ZFPM2: variants seen among roughly 807,000 people sequenced by gnomAD.
ZFPM2 encodes the protein zinc finger protein, FOG family member 2, also known as zinc finger protein ZFPM2.
In ZFPM2, 20 loss-of-function variants were observed where a neutral mutation model predicts 98.6. The observed-to-expected ratio is 0.20, with a 90% CI of 0.14 to 0.29. ZFPM2 has a LOEUF of 0.29. Among genes scored for constraint, ZFPM2 ranks in the 10% least tolerant of loss-of-function variants. The pLI is 1.00. For missense variants in ZFPM2, 1,310 were observed against 1,388.6 expected (o/e 0.94, Z 0.90); for synonymous variants, 518 against 502.7 (o/e 1.03, Z -0.41).
At chr8:105,423,991 A>G (rs973646149) in intron 2 of ZFPM2, among the ~76,000 whole-genome samples, 48 of 152,172 alleles carry the variant, frequency 3.2e-4, no homozygotes, top group Non-Finnish European at 8.8e-5. Flanking sequence ...TGCTATATAA[A>G]AAAAGATAAC....
At chr8:105,646,784 C>A (rs1393763992) in intron 5 of ZFPM2, among the ~76,000 whole-genome samples, 1 of 152,018 alleles carries the variant, frequency 6.6e-6, no homozygotes. Flanking sequence ...AGAGTGGGAC[C>A]TGGTGGTGCG....
At chr8:105,362,366 C>T (rs1167592029) in intron 1 of ZFPM2, among the ~76,000 whole-genome samples, 8 of 151,762 alleles carry the variant, frequency 5.3e-5, no homozygotes, top group Non-Finnish European at 7.4e-5. Flanking sequence ...CTACTAAGTT[C>T]GTATTTTACA....
chr8:105,604,181 C>G (rs575290986), intron 4 of ZFPM2, among the ~76,000 whole-genome samples: 7 of 151,982 alleles, frequency 4.6e-5, no homozygotes, highest in Non-Finnish European at 8.8e-5. Context: ...ATGTCATCAT[C>G]ATTCATCCAG....
intron 1 of ZFPM2, chr8:105,387,427 T>TG (rs529363318): frequency 7.2e-4 from 111 of 154,104 alleles, no homozygotes; most frequent in Admixed American, 1.9e-3. Context: ...GCCCACAGCG[T>TG]GGGGGAGGCT....
At chr8:105,441,590 T>C (rs2130197234) in intron 2 of ZFPM2, among the ~76,000 whole-genome samples, 1 of 151,826 alleles carries the variant, frequency 6.6e-6, no homozygotes, top group East Asian at 1.9e-4. Flanking sequence ...AGAGAGCGGA[T>C]TGGGGCCAGC....
intron 5 of ZFPM2, among the ~76,000 whole-genome samples, chr8:105,697,523 A>G (rs1418412333): frequency 1.3e-5 from 2 of 152,180 alleles, no homozygotes; most frequent in African/African-American, 4.8e-5. Context: ...AAGTGTAGTA[A>G]TTTAGCCAGG....
At chr8:105,454,527 C>T (rs1258815094) in intron 3 of ZFPM2, among the ~76,000 whole-genome samples, 2 of 152,184 alleles carry the variant, frequency 1.3e-5, no homozygotes, top group Non-Finnish European at 2.9e-5. Flanking sequence ...CTTACACTTG[C>T]AGTGATAGTA....
At chr8:105,615,945 T>C (rs17290627) in intron 4 of ZFPM2, among the ~76,000 whole-genome samples, 30,818 of 152,058 alleles carry the variant, frequency 0.2, 3,167 homozygotes, top group South Asian at 0.26. Flanking sequence ...GGGATTTTGC[T>C]TTGTTTTTGG....
At chr8:105,457,072 G>T (rs561431315) in intron 3 of ZFPM2, among the ~76,000 whole-genome samples, 1 of 152,202 alleles carries the variant, frequency 6.6e-6, no homozygotes, top group African/African-American at 2.4e-5. Flanking sequence ...TATTACATTT[G>T]CTAACAATAA....
chr8:105,770,847 A>G (rs1388725675), intron 5 of ZFPM2, among the ~76,000 whole-genome samples: 3 of 152,168 alleles, frequency 2.0e-5, no homozygotes, highest in Non-Finnish European at 4.4e-5. Flanking sequence ...CAGCTTAGAC[A>G]TAGACTTAGG....
At chr8:105,793,471 G>T (rs1813688997) in intron 6 of ZFPM2, among the ~76,000 whole-genome samples, 1 of 152,118 alleles carries the variant, frequency 6.6e-6, no homozygotes, top group African/African-American at 2.4e-5. Context: ...AGTCTGATGG[G>T]CTTCCCTTTG....
intron 4 of ZFPM2, among the ~76,000 whole-genome samples, chr8:105,602,643 G>A (rs969190556): frequency 6.6e-6 from 1 of 152,056 alleles, no homozygotes; most frequent in African/African-American, 2.4e-5. Flanking sequence ...TGATACATAT[G>A]TGTGCATTTG....
chr8:105,540,752 A>G (rs1331744632), intron 3 of ZFPM2, among the ~76,000 whole-genome samples: 2 of 152,126 alleles, frequency 1.3e-5, no homozygotes, highest in Non-Finnish European at 2.9e-5. Context: ...TCTCTTCTGT[A>G]GTTCTTTCCT....
intron 7 of ZFPM2, among the ~76,000 whole-genome samples, chr8:105,799,752 G>A (rs1272050573): frequency 6.6e-6 from 1 of 152,152 alleles, no homozygotes; most frequent in Non-Finnish European, 1.5e-5. Flanking sequence ...TAGGGACTGA[G>A]AATCATAGTT....
At chr8:105,331,373 A>G (rs1812230801) in intron 1 of ZFPM2, among the ~76,000 whole-genome samples, 1 of 151,536 alleles carries the variant, frequency 6.6e-6, no homozygotes, top group East Asian at 1.9e-4. Flanking sequence ...TCTGACATTC[A>G]CTTTGATGTT....
rs1811746412 is a variant in ZFPM2 at position 105,419,271 on chromosome 8, C to T, written c.168C>T (p.Ser56=). The T allele has an allele frequency of 1.2e-6, 2 of 1,613,488 alleles. No individual in the cohort carries two copies. Among genetic ancestry groups the T allele is most frequent in the East Asian group, 2.2e-5 (1 of 44,836 alleles). The change falls in exon 2 of 8, where the codon AGC becomes AGT. Residue 56 remains serine, a synonymous_variant. Transcript: ENST00000407775. ...FSTEFGPENL[S]CEEVEYFCNK... The stretch of plus-strand genomic sequence containing the variant: ...CAGAATTTGGGCCTGAAAATCTGAG[C>T]TGCGAAGAAGTGGAATACTTTTGTA...
intron 4 of ZFPM2, among the ~76,000 whole-genome samples, chr8:105,617,993 G>A (rs1816456579): frequency 6.6e-6 from 1 of 151,952 alleles, no homozygotes; most frequent in East Asian, 1.9e-4. Context: ...ATCTCAACTA[G>A]ACTTACAAGA....
At position 105,802,817 on chromosome 8, in the gene ZFPM2, G is replaced by T. The variant is rs1350390397; in HGVS notation, c.2735G>T (p.Ser912Ile). The change falls in exon 8 of 8, where the codon AGC becomes ATC. Residue 912 changes from serine (S) to isoleucine (I), a missense_variant. By Grantham distance (142) the Ser-to-Ile change is moderately radical (BLOSUM62 -2). Transcript: ENST00000407775. ...RNSPDVSYER[S>I]IIKCEKNGNL... ...AGCCCTGATGTCAGCTACGAAAGAA[G>T]CATAATAAAATGTGAGAAAAATGGG... 6.2e-7 allele frequency: 1 copy of T among 1,613,602 alleles called. No homozygotes were observed. The highest frequency in any genetic ancestry group is 2.2e-5 in the East Asian group (1 of 44,830).
chr8:105,458,937 G>A (rs1321147468), intron 3 of ZFPM2, among the ~76,000 whole-genome samples: 1 of 151,942 alleles, frequency 6.6e-6, no homozygotes, highest in Non-Finnish European at 1.5e-5. Context: ...TATGATTAAA[G>A]CTACAGTTTC....
Sources: allele counts gnomAD v4.1 joint callset (sites outside exome capture counted in the v4.1 genomes callset), GRCh38; gene constraint gnomAD v4.1.1; transcripts MANE v1.5; gene names NCBI Gene and HGNC (gene_info 2026-07-23, HGNC 2026-07-21).